Variants in UNC5C observed in about 807,000 individuals in gnomAD.
UNC5C encodes the protein unc-5 netrin receptor C, also known as netrin receptor UNC5C.
In UNC5C, 47 loss-of-function variants were observed where a neutral mutation model predicts 99.8. The ratio of observed to expected loss-of-function variants is 0.47; its 90% confidence interval spans 0.37 to 0.60. The LOEUF (loss-of-function observed/expected upper bound fraction) is 0.60. Among genes scored for constraint, UNC5C ranks in the 20% least tolerant of loss-of-function variants. The pLI is 0.00. For missense variants in UNC5C, 1,062 were observed against 1,165.9 expected (o/e 0.91, Z 1.30); for synonymous variants, 487 against 452.2 (o/e 1.08, Z -0.98).
chr4:95,301,142 TAA>T lies in UNC5C; in HGVS notation c.490+462_490+463del, dbSNP rs527280546. 3.1e-4 allele frequency among the ~76,000 whole-genome samples: 46 copies of T among 150,386 alleles called. No individual in the cohort carries two copies. The East Asian group carries it at 7.0e-3, about 23-fold the overall frequency. On this transcript the variant is annotated intron_variant, in intron 3 of 15. Coordinates refer to ENST00000453304, the MANE Select transcript of UNC5C (RefSeq NM_003728.4). ...AAAATAAAATGAAATCTTGGCGACC[TAA>T]GAGGAATATGTGGCTCAAATGCAGA...
At position 95,170,253 on chromosome 4, in the gene UNC5C, A is replaced by G; in HGVS notation, c.2531T>C (p.Ile844Thr). The G allele has an allele frequency of 6.2e-7, 1 of 1,614,120 alleles. No homozygotes were observed. The highest frequency in any genetic ancestry group is 8.5e-7 in the Non-Finnish European group (1 of 1,180,038). Reference protein sequence around the residue: ...TTVTGPSAFSIPLPIRQKLCS... With the variant: ...TTVTGPSAFSTPLPIRQKLCS... Reference sequence around the variant, plus strand: ...GAGCTTCTGCCGGATAGGGAGAGGGATGCTGAAAGCACTGGGCCCCGTGAC... The same window carrying G: ...GAGCTTCTGCCGGATAGGGAGAGGGGTGCTGAAAGCACTGGGCCCCGTGAC... Residue 844 changes from isoleucine (I) to threonine (T), a missense_variant, in exon 15 of 16, where the codon ATC (isoleucine) becomes ACC (threonine). By Grantham distance (89) the Ile-to-Thr change is moderately conservative (BLOSUM62 -1). Coordinates refer to ENST00000453304, the MANE Select transcript of UNC5C (RefSeq NM_003728.4).
chr4:95,515,426 C>G (rs930352328), intron 1 of UNC5C, among the ~76,000 whole-genome samples: 13 of 152,246 alleles, frequency 8.5e-5, no homozygotes, highest in African/African-American at 2.9e-4. Flanking sequence ...GCCCTATAGT[C>G]TGAATGAAAT....
intron 1 of UNC5C, among the ~76,000 whole-genome samples, chr4:95,531,405 C>A (rs961098459): frequency 1.3e-5 from 2 of 152,176 alleles, no homozygotes; most frequent in African/African-American, 2.4e-5. Context: ...GCACAGCTCT[C>A]TGCGGTAATT....
intron 1 of UNC5C, among the ~76,000 whole-genome samples, chr4:95,462,746 G>A (rs1240350598): frequency 6.6e-6 from 1 of 152,178 alleles, no homozygotes; most frequent in Admixed American, 6.5e-5. Context: ...CTTTCTTCCA[G>A]TGTATTCAAA....
chr4:95,295,948 T>C (rs1051394664), intron 3 of UNC5C, among the ~76,000 whole-genome samples: 4 of 152,058 alleles, frequency 2.6e-5, no homozygotes, highest in African/African-American at 9.7e-5. Context: ...TAGCCAGGGA[T>C]GGTGGTGCAT....
chr4:95,280,291 T>C (rs1337441872), intron 3 of UNC5C, among the ~76,000 whole-genome samples: 2 of 152,170 alleles, frequency 1.3e-5, no homozygotes, highest in African/African-American at 4.8e-5. Context: ...AAATCATAGA[T>C]CTATGAGGGT....
chr4:95,341,197 C>A (rs1743560288), intron 1 of UNC5C, among the ~76,000 whole-genome samples: 2 of 147,710 alleles, frequency 1.4e-5, no homozygotes, highest in Admixed American at 1.3e-4. Flanking sequence ...ACGAAGATGT[C>A]CACTGCAGCA....
intron 1 of UNC5C, among the ~76,000 whole-genome samples, chr4:95,447,625 C>T (rs1389817046): frequency 2.6e-5 from 4 of 152,126 alleles, no homozygotes; most frequent in Admixed American, 1.3e-4. Flanking sequence ...CTCAGCCTCC[C>T]GAGTAGCTGG....
chr4:95,292,236 CATATATATATATATATAT>C (rs71583696), intron 3 of UNC5C, among the ~76,000 whole-genome samples: 1 of 88,744 alleles, frequency 1.1e-5, no homozygotes, highest in African/African-American at 4.1e-5. Context: ...CACACACACA[CATATATATATATATATAT>C]ATATATATAT....
At chr4:95,463,132 C>A (rs1171457557) in intron 1 of UNC5C, among the ~76,000 whole-genome samples, 1 of 152,134 alleles carries the variant, frequency 6.6e-6, no homozygotes, top group Non-Finnish European at 1.5e-5. Context: ...AGGCTTCTAG[C>A]CACATAGAGC....
At chr4:95,488,093 C>T (rs1721376729) in intron 1 of UNC5C, among the ~76,000 whole-genome samples, 1 of 151,710 alleles carries the variant, frequency 6.6e-6, no homozygotes, top group African/African-American at 2.4e-5. Flanking sequence ...AATTTAGTCC[C>T]ATTCAGTCAA....
chr4:95,524,282 T>A (rs1485537237), intron 1 of UNC5C, among the ~76,000 whole-genome samples: 1 of 152,196 alleles, frequency 6.6e-6, no homozygotes, highest in Non-Finnish European at 1.5e-5. Context: ...TTCAAACTGG[T>A]AGAGCCTCAG....
In UNC5C at chr4:95,492,992, A is replaced by T. The variant is rs80322816; in HGVS notation, c.124+55742T>A. Among the ~76,000 whole-genome samples the T allele has an allele frequency of 4.9e-3, 748 of 151,554 alleles. 16 individuals carry two copies. The highest frequency in any genetic ancestry group is 0.035 in the Admixed American group (537 of 15,154). On this transcript the variant is annotated intron_variant, in intron 1 of 15. Coordinates refer to ENST00000453304, the MANE Select transcript of UNC5C (RefSeq NM_003728.4). ...TTTGACTGATTCAGACTACCCTTTTAAACTACAGAAAAGCTAAAAAATATT... is the reference window on the plus strand; with the variant it reads ...TTTGACTGATTCAGACTACCCTTTTTAACTACAGAAAAGCTAAAAAATATT...
intron 1 of UNC5C, among the ~76,000 whole-genome samples, chr4:95,504,629 C>T (rs1197767573): frequency 2.0e-5 from 3 of 151,968 alleles, no homozygotes; most frequent in African/African-American, 2.4e-5. Flanking sequence ...GAAAAACACA[C>T]GTCACTTCAG....
rs79764310 is a variant in UNC5C, at chr4:95,410,897, C to G, written c.125-75266G>C. Among the ~76,000 whole-genome samples the G allele has an allele frequency of 4.5e-3, 689 of 152,230 alleles. 2 individuals carry two copies. The highest frequency in any genetic ancestry group is 0.01 in the Middle Eastern group (3 of 294). On this transcript the variant is annotated intron_variant, in intron 1 of 15. Transcript: ENST00000453304. Reference sequence around the variant, plus strand: ...CAAATGTGAGATCAGCCCCTCCTCACCACCACCTGGTTCCCTCTGGACCTT... The same window carrying G: ...CAAATGTGAGATCAGCCCCTCCTCAGCACCACCTGGTTCCCTCTGGACCTT...
intron 3 of UNC5C, among the ~76,000 whole-genome samples, chr4:95,279,977 T>C (rs1287785401): frequency 2.0e-5 from 3 of 152,100 alleles, no homozygotes; most frequent in African/African-American, 7.2e-5. Flanking sequence ...GTAGTTCACA[T>C]AGGGTTCATG....
At chr4:95,442,871 A>G (rs1023539652) in intron 1 of UNC5C, among the ~76,000 whole-genome samples, 1 of 152,064 alleles carries the variant, frequency 6.6e-6, no homozygotes, top group Non-Finnish European at 1.5e-5. Context: ...AATATATGCT[A>G]TGTATGTATG....
At chr4:95,379,490 C>A (rs933552002) in intron 1 of UNC5C, among the ~76,000 whole-genome samples, 1 of 152,136 alleles carries the variant, frequency 6.6e-6, no homozygotes, top group Admixed American at 6.5e-5. Context: ...TTTCCCATTT[C>A]TACCATTTTT....
chr4:95,203,475 A>T (rs913350122), intron 11 of UNC5C, among the ~76,000 whole-genome samples: 8 of 151,984 alleles, frequency 5.3e-5, no homozygotes, highest in Admixed American at 2.0e-4. Flanking sequence ...TTATTTATTT[A>T]ATTTATTAAT....
Sources: gnomAD v4.1 joint callset for allele counts (sites outside exome capture counted in the v4.1 genomes callset) on GRCh38, gnomAD v4.1.1 for gene constraint, MANE v1.5 for transcripts, NCBI Gene and HGNC (gene_info 2026-07-23, HGNC 2026-07-21) for gene names.